Variants in PARD3 observed in about 807,000 individuals in gnomAD.
PARD3 encodes partitioning defective 3 homolog.
In PARD3, 75 loss-of-function variants were observed where a neutral mutation model predicts 155.4. That is an observed-to-expected ratio of 0.48 (90% CI 0.40 to 0.58). The LOEUF (loss-of-function observed/expected upper bound fraction) is 0.58, where lower values mean the gene tolerates loss of function less well. Ranked by LOEUF, PARD3 falls within the 20% of genes least tolerant of loss-of-function variation. The pLI is 0.00. For missense variants in PARD3, 1,642 were observed against 1,721.7 expected, an observed-to-expected ratio of 0.95 and a Z score of 0.82; for synonymous variants, 576 against 610.5, an observed-to-expected ratio of 0.94 and a Z score of 0.83.
chr10:34,651,519 T>C (rs534595919), intron 2 of PARD3, among the ~76,000 whole-genome samples: 1 of 152,304 alleles, frequency 6.6e-6, no homozygotes, highest in Non-Finnish European at 1.5e-5. Flanking sequence ...GTGTGGACAA[T>C]GAAGCCAAGG....
At chr10:34,460,384 C>CA (rs1698985015) in intron 4 of PARD3, among the ~76,000 whole-genome samples, 1 of 151,984 alleles carries the variant, frequency 6.6e-6, no homozygotes, top group African/African-American at 2.4e-5. Flanking sequence ...AAATTAAATA[C>CA]AAAAGTGCAA....
At chr10:34,468,774 C>T (rs937800633) in intron 4 of PARD3, among the ~76,000 whole-genome samples, 3 of 151,848 alleles carry the variant, frequency 2.0e-5, no homozygotes, top group African/African-American at 7.3e-5. Flanking sequence ...TTTTTTGTCA[C>T]TAGAATTACT....
At chr10:34,506,646 T>A (rs1022076489) in intron 3 of PARD3, among the ~76,000 whole-genome samples, 2 of 152,206 alleles carry the variant, frequency 1.3e-5, no homozygotes, top group Non-Finnish European at 2.9e-5. Context: ...ACCGAGGTGA[T>A]CACTTACATG....
intron 2 of PARD3, among the ~76,000 whole-genome samples, chr10:34,519,810 T>C (rs1392626858): frequency 1.4e-5 from 2 of 137,934 alleles, no homozygotes; most frequent in Non-Finnish European, 3.2e-5. Context: ...CGAGACTCCA[T>C]CTCAAAATAA....
chr10:34,774,938 T>C (rs1839353774), intron 1 of PARD3, among the ~76,000 whole-genome samples: 1 of 152,242 alleles, frequency 6.6e-6, no homozygotes, highest in Non-Finnish European at 1.5e-5. Context: ...TACGAAGATG[T>C]ATGTAATAGT....
At chr10:34,741,241 G>A (rs1674512113) in intron 1 of PARD3, among the ~76,000 whole-genome samples, 1 of 146,438 alleles carries the variant, frequency 6.8e-6, no homozygotes, top group African/African-American at 2.5e-5. Flanking sequence ...CTGGAGTGTG[G>A]TGGTGCGATC....
At chr10:34,561,202 C>G (rs972850716) in intron 2 of PARD3, among the ~76,000 whole-genome samples, 7 of 152,120 alleles carry the variant, frequency 4.6e-5, no homozygotes, top group African/African-American at 1.2e-4. Flanking sequence ...CAAGAGGTCT[C>G]TGAAATCCTT....
At chr10:34,236,770 A>G (rs1953259308) in intron 22 of PARD3, among the ~76,000 whole-genome samples, 1 of 152,200 alleles carries the variant, frequency 6.6e-6, no homozygotes, top group East Asian at 1.9e-4. Context: ...AAAGACCTTC[A>G]CAATTCTCTT....
At chr10:34,507,018 G>T (rs1299925569) in intron 3 of PARD3, among the ~76,000 whole-genome samples, 2 of 152,132 alleles carry the variant, frequency 1.3e-5, no homozygotes, top group Non-Finnish European at 2.9e-5. Flanking sequence ...TTATCTTTCA[G>T]CAGGGAATAC....
In PARD3 at chr10:34,269,733, G is replaced by A. The variant is rs758431572; in HGVS notation, c.3343C>T (p.Arg1115Ter). The change falls in exon 22 of 25, where the codon CGA (arginine) becomes TGA (stop). Residue 1115 changes from arginine (R) to a stop codon, truncating the protein, a stop_gained. Transcript: ENST00000374788. LOFTEE classifies it high-confidence loss of function. The part of the protein sequence containing the change: ...MALNARPQSP[R>*]EGHMMDALYA... ...AAAGCATCCATCATATGCCCTTCTC[G>A]TGGGCTCTGAGGTCTAGCGTTGAGA... is the stretch of plus-strand genomic sequence containing the variant. The A allele has an allele frequency of 2.5e-6, 4 of 1,613,746 alleles. No individual in the cohort carries two copies. The highest frequency in any genetic ancestry group is 1.7e-5 in the Admixed American group (1 of 59,966).
intron 22 of PARD3, among the ~76,000 whole-genome samples, chr10:34,134,936 T>G (rs1947813953): frequency 6.6e-6 from 1 of 152,210 alleles, no homozygotes; most frequent in South Asian, 2.1e-4. Flanking sequence ...CTTGGTGAGC[T>G]CTTCTGCCAA....
intron 22 of PARD3, among the ~76,000 whole-genome samples, chr10:34,247,807 T>G (rs1246151879): frequency 3.3e-5 from 5 of 152,240 alleles, no homozygotes; most frequent in Non-Finnish European, 5.9e-5. Flanking sequence ...ACATTGGACC[T>G]TTTGTTAATA....
chr10:34,344,396 C>T (rs929876884), intron 15 of PARD3: 2 of 603,976 alleles, frequency 3.3e-6, no homozygotes, highest in African/African-American at 2.0e-5. Context: ...AATTCTCCTG[C>T]CTCAGCCTCC....
At chr10:34,482,256 A>C (rs1003049323) in intron 3 of PARD3, among the ~76,000 whole-genome samples, 7 of 151,886 alleles carry the variant, frequency 4.6e-5, no homozygotes, top group Admixed American at 3.9e-4. Flanking sequence ...GCTGGTCTTG[A>C]ACTCCTGGCC....
At chr10:34,392,155 A>T (rs1842922789) in intron 7 of PARD3, among the ~76,000 whole-genome samples, 1 of 152,152 alleles carries the variant, frequency 6.6e-6, no homozygotes, top group South Asian at 2.1e-4. Context: ...AGAAAGAAAG[A>T]AAGTAAAAAA....
intron 1 of PARD3, among the ~76,000 whole-genome samples, chr10:34,805,542 CAT>C (rs58820083): frequency 0.039 from 5,471 of 140,632 alleles, 313 homozygotes; most frequent in African/African-American, 0.13. Context: ...CACGTATGTG[CAT>C]ATATATATAT....
chr10:34,263,474 TA>T (rs201908055), intron 22 of PARD3, among the ~76,000 whole-genome samples: 2 of 151,942 alleles, frequency 1.3e-5, no homozygotes, highest in East Asian at 3.9e-4. Context: ...CTGGGCAACA[TA>T]GTGAGACCCC....
intron 22 of PARD3, among the ~76,000 whole-genome samples, chr10:34,159,082 A>C (rs540592095): frequency 3.3e-5 from 5 of 152,374 alleles, no homozygotes; most frequent in Admixed American, 2.0e-4. Flanking sequence ...AAATGTATTC[A>C]CTGGTAATAA....
chr10:34,808,927 G>A (rs887742760), intron 1 of PARD3, among the ~76,000 whole-genome samples: 1 of 152,202 alleles, frequency 6.6e-6, no homozygotes, highest in African/African-American at 2.4e-5. Context: ...CGGAATCAGA[G>A]GCGCCAGACC....
Sources: allele counts gnomAD v4.1 joint callset (sites outside exome capture counted in the v4.1 genomes callset), GRCh38; gene constraint gnomAD v4.1.1; transcripts MANE v1.5; gene names NCBI Gene and HGNC (gene_info 2026-07-23, HGNC 2026-07-21).